POTEC: variants seen among roughly 807,000 people sequenced by gnomAD.
POTEC encodes POTE ankyrin domain family member C.
In POTEC, 35 loss-of-function variants were observed where a neutral mutation model predicts 62.0. That is an observed-to-expected ratio of 0.56 (90% CI 0.43 to 0.75). The LOEUF is 0.75. POTEC is among the 30% of genes least tolerant of loss of function. The probability of loss-of-function intolerance (pLI) is 0.00; values close to 1 mark genes in which losing one functional copy is unlikely to be tolerated. For missense variants in POTEC, 472 were observed against 655.9 expected (o/e 0.72, Z 3.06); for synonymous variants, 156 against 221.5 (o/e 0.70, Z 2.62).
chr18:14,514,930 T>C (rs1225348584), intron 9 of POTEC, among the ~76,000 whole-genome samples: 1 of 152,170 alleles, frequency 6.6e-6, no homozygotes, highest in Non-Finnish European at 1.5e-5. Context: ...CTGAGAGTCA[T>C]ATCAAGAATC....
intron 1 of POTEC, among the ~76,000 whole-genome samples, chr18:14,541,704 T>C (rs373998334): frequency 1.3e-5 from 2 of 152,074 alleles, no homozygotes; most frequent in Admixed American, 1.3e-4. Context: ...ACTTTTCTCC[T>C]TTTGTATCTT....
intron 5 of POTEC, among the ~76,000 whole-genome samples, chr18:14,531,459 G>C (rs543165217): frequency 1.2e-3 from 177 of 152,216 alleles, no homozygotes; most frequent in African/African-American, 4.1e-3. Flanking sequence ...TGAAGAAGCT[G>C]CAAATTGACA....
intron 1 of POTEC, among the ~76,000 whole-genome samples, chr18:14,538,620 A>C (rs1905830799): frequency 6.6e-6 from 1 of 151,806 alleles, no homozygotes; most frequent in Admixed American, 6.6e-5. Flanking sequence ...ACTCTACACA[A>C]AATATAGAAT....
At chr18:14,524,434 A>G (rs1910386430) in intron 7 of POTEC, among the ~76,000 whole-genome samples, 1 of 152,150 alleles carries the variant, frequency 6.6e-6, no homozygotes, top group Admixed American at 6.6e-5. Context: ...TCAACCATGA[A>G]TCCAGCTCAG....
rs1009116073 is a variant in POTEC at position 14,511,326 on chromosome 18, T to C, written c.*572A>G. The C allele has an allele frequency of 3.3e-5, 7 of 211,150 alleles. No homozygotes were observed. The highest frequency in any genetic ancestry group is 2.7e-4 in the Admixed American group (5 of 18,780). The allele number at this position is 211,150 out of a possible 1,614,324, so 13.1% of individuals were successfully genotyped here. ...ATGATTTGGTAAAGCAGCTGTGCTA[T>C]GCCACAGGATCTCTTCTGCCCCTGG... On this transcript the variant is annotated 3_prime_UTR_variant, in exon 11 of 11. Transcript: ENST00000358970.
At chr18:14,512,786 C>A (rs1430538130) in intron 10 of POTEC, among the ~76,000 whole-genome samples, 5 of 152,186 alleles carry the variant, frequency 3.3e-5, no homozygotes, top group Non-Finnish European at 7.3e-5. Context: ...CACACACACA[C>A]ACACACACAC....
At chr18:14,517,834 C>T (rs1344086239) in intron 9 of POTEC, among the ~76,000 whole-genome samples, 2 of 152,118 alleles carry the variant, frequency 1.3e-5, no homozygotes, top group African/African-American at 4.8e-5. Flanking sequence ...GAACTCCAGC[C>T]TGGGGGATAC....
chr18:14,529,481 A>AC (rs1905427935), intron 6 of POTEC, among the ~76,000 whole-genome samples: 1 of 152,178 alleles, frequency 6.6e-6, no homozygotes, highest in Non-Finnish European at 1.5e-5. Flanking sequence ...AACCTAACTT[A>AC]CAGAAGCTTT....
rs942326283 is a variant in POTEC, at chr18:14,508,873, C to G, written c.*3025G>C. The G allele has an allele frequency of 6.6e-6, 1 of 152,236 alleles. No homozygotes were observed. The highest frequency in any genetic ancestry group is 1.5e-5 in the Non-Finnish European group (1 of 68,062). 9.4% of individuals were successfully genotyped at this position (152,236 alleles called of 1,614,324 possible). ...CTTTATGGGCTTATCCATCTTCAATCTTTGAGGTTGCTGACCTTTGGACAG... is the reference window on the plus strand; with the variant it reads ...CTTTATGGGCTTATCCATCTTCAATGTTTGAGGTTGCTGACCTTTGGACAG... On this transcript the variant is annotated 3_prime_UTR_variant, in exon 11 of 11. Transcript: ENST00000358970.
chr18:14,535,562 A>G (rs1393509086), intron 3 of POTEC, among the ~76,000 whole-genome samples: 2 of 151,540 alleles, frequency 1.3e-5, no homozygotes, highest in African/African-American at 2.4e-5. Context: ...AACTAGATAG[A>G]TAATCAGTTC....
chr18:14,532,279 G>A (rs1905548790), intron 5 of POTEC, among the ~76,000 whole-genome samples: 2 of 152,216 alleles, frequency 1.3e-5, no homozygotes, highest in Admixed American at 6.5e-5. Flanking sequence ...TTCCACATTA[G>A]GTTCTGAATA....
In POTEC at chr18:14,537,851, T is replaced by C. The variant is rs1466370563; in HGVS notation, c.760A>G (p.Met254Val). 1 of 1,612,190 alleles carries C rather than the reference T, an allele frequency of 6.2e-7. No homozygotes were observed. The highest frequency in any genetic ancestry group is 1.1e-5 in the South Asian group (1 of 90,988). Residue 254 changes from methionine to valine, a missense_variant, in exon 3 of 11, where the codon ATG (methionine) becomes GTG (valine). Around this residue, in one of 5 missense-constraint regions of POTEC, gnomAD observed 52 missense variants for 54.2 expected, o/e 0.96. Transcript: ENST00000358970. ...CCATATAAGAGCAGTGCTTTGGCCATTAATTTATCTTCATTGTGGACAGCA... is the reference window on the plus strand; with the variant it reads ...CCATATAAGAGCAGTGCTTTGGCCACTAATTTATCTTCATTGTGGACAGCA... ...HYAVHNEDKL[M>V]AKALLLYGAD...
intron 8 of POTEC, 42 bp from the exon 9 acceptor site, chr18:14,522,462 T>C: frequency 1.4e-6 from 2 of 1,427,560 alleles, no homozygotes; most frequent in Non-Finnish European, 1.9e-6. Flanking sequence ...ATCACTTTAT[T>C]GAATAAAAAT....
intron 5 of POTEC, chr18:14,531,768 C>T (rs967491936): frequency 2.9e-4 from 44 of 151,904 alleles, no homozygotes; most frequent in African/African-American, 9.7e-4. Context: ...GGATATGTGC[C>T]GCCAAAGCAG....
chr18:14,537,327 T>G (rs1905776479), intron 3 of POTEC, among the ~76,000 whole-genome samples: 1 of 151,906 alleles, frequency 6.6e-6, no homozygotes, highest in Admixed American at 6.6e-5. Flanking sequence ...TTCTGCCTCA[T>G]GAGCAATCAG....
intron 4 of POTEC, among the ~76,000 whole-genome samples, chr18:14,534,530 T>A (rs1321764876): frequency 6.6e-6 from 1 of 151,912 alleles, no homozygotes; most frequent in South Asian, 2.1e-4. Context: ...TGGAAAAACA[T>A]ATAAGATACA....
chr18:14,521,528 ATG>A (rs1374583401), intron 9 of POTEC, among the ~76,000 whole-genome samples: 2 of 152,194 alleles, frequency 1.3e-5, no homozygotes, highest in Admixed American at 6.5e-5. Flanking sequence ...GCTGTAAGGA[ATG>A]TCCTTACACA....
At chr18:14,528,496 C>T (rs1910497662) in intron 6 of POTEC, among the ~76,000 whole-genome samples, 1 of 152,102 alleles carries the variant, frequency 6.6e-6, no homozygotes. Context: ...TTGCATGCTT[C>T]TAAGTTTTCT....
At chr18:14,537,184 C>CACAT (rs1479951122) in intron 3 of POTEC, among the ~76,000 whole-genome samples, 3 of 71,612 alleles carry the variant, frequency 4.2e-5, no homozygotes, top group Non-Finnish European at 7.2e-5. Context: ...CACACACACA[C>CACAT]ACACACACAC....
Sources: gnomAD v4.1 joint callset for allele counts (sites outside exome capture counted in the v4.1 genomes callset) on GRCh38, gnomAD v4.1.1 for gene constraint, gnomAD v4.1.1 regional missense constraint, MANE v1.5 for transcripts, NCBI Gene and HGNC (gene_info 2026-07-23, HGNC 2026-07-21) for gene names.